The following ASB15 variants were observed in gnomAD, a reference collection of about 807,000 sequenced individuals.
ASB15 encodes ankyrin repeat and SOCS box protein 15.
A neutral mutation model predicts 58.0 loss-of-function variants in ASB15; 54 were observed. The ratio of observed to expected loss-of-function variants is 0.93; its 90% CI spans 0.75 to 1.17. The LOEUF (loss-of-function observed/expected upper bound fraction) is 1.17. Among genes scored for constraint, ASB15 ranks in the 50% most tolerant of loss-of-function variants. ASB15 has a pLI of 0.00. For synonymous variants in ASB15, 249 were observed against 262.4 expected (o/e 0.95, Z 0.50); for missense variants, 680 against 707.4 (o/e 0.96, Z 0.44).
chr7:123,597,219 G>T (rs1799723513), upstream of ASB15, among the ~76,000 whole-genome samples: 2 of 152,096 alleles, frequency 1.3e-5, no homozygotes, highest in South Asian at 2.1e-4. Flanking sequence ...TCACCCCTTT[G>T]TTCAGCATAT....
At position 123,606,379 on chromosome 7, in the gene ASB15, G is replaced by T. The variant is rs963984322; in HGVS notation, c.-64+2167G>T. ...TCGAGGTCACCAAGGTTCCTGGCCT[G>T]CTCAGTCCTAAGAGGTAGATGCTAA... On this transcript the variant is annotated intron_variant, in intron 2 of 11. Coordinates refer to ENST00000451215, the MANE Select transcript of ASB15 (RefSeq NM_001290258.2). 2.0e-5 allele frequency among the ~76,000 whole-genome samples: 3 copies of T among 152,250 alleles called. No homozygotes were observed. The East Asian group carries it at 5.8e-4, about 29-fold the overall frequency.
At chr7:123,581,439 C>G (rs1233612088) in intron 1 of ASB15, among the ~76,000 whole-genome samples, 4 of 145,174 alleles carry the variant, frequency 2.8e-5, no homozygotes, top group Admixed American at 2.7e-4. Flanking sequence ...AAAAGGTACT[C>G]TCCAGATACC....
At chr7:123,585,971 T>C (rs1799365545) in intron 1 of ASB15, among the ~76,000 whole-genome samples, 1 of 151,830 alleles carries the variant, frequency 6.6e-6, no homozygotes, top group South Asian at 2.1e-4. Flanking sequence ...CTTTATCCAT[T>C]CATCCACTTA....
In ASB15 at chr7:123,614,532, C is replaced by A. The variant is rs751880928; in HGVS notation, c.30C>A (p.Asp10Glu). The change falls in exon 4 of 12, where the codon GAC (aspartate) becomes GAA (glutamate). Residue 10 changes from aspartate (D) to glutamate (E), a missense_variant. Physicochemically the swap from Asp to Glu is conservative, Grantham distance 45. Transcript: ENST00000451215. MDTNDDPDE[D>E]HLTSYDIQLS... is the part of the protein sequence containing the mutation. ...ATACTAATGATGACCCTGATGAAGA[C>A]CATCTTACAAGTTATGATATTCAGC... The A allele has an allele frequency of 6.2e-7, 1 of 1,608,570 alleles. No individual in the cohort carries two copies. The highest frequency in any genetic ancestry group is 8.5e-7 in the Non-Finnish European group (1 of 1,175,418).
chr7:123,588,469 C>A (rs1799436280), intron 1 of ASB15, among the ~76,000 whole-genome samples: 1 of 151,384 alleles, frequency 6.6e-6, no homozygotes. Context: ...AACTTTTGAT[C>A]TTTTCTCTTG....
At chr7:123,583,353 G>A (rs1032452538) in intron 1 of ASB15, among the ~76,000 whole-genome samples, 1 of 151,910 alleles carries the variant, frequency 6.6e-6, no homozygotes, top group South Asian at 2.1e-4. Context: ...TGGGAAGTGG[G>A]AACTAACGGG....
At chr7:123,592,377 A>G (rs1473446895) in intron 1 of ASB15, among the ~76,000 whole-genome samples, 2 of 152,110 alleles carry the variant, frequency 1.3e-5, no homozygotes, top group Non-Finnish European at 2.9e-5. Context: ...TTGTGATGTT[A>G]GGGTGATTAT....
chr7:123,614,480 C>T (rs564734696), intron 3 of ASB15, 21 bp from the exon 4 acceptor site: 9 of 1,456,132 alleles, frequency 6.2e-6, no homozygotes, highest in Non-Finnish European at 8.6e-6. Flanking sequence ...AAGAACTTGT[C>T]TCGTTCAAAA....
chr7:123,585,634 TTTG>T (rs1290681399), intron 1 of ASB15, among the ~76,000 whole-genome samples: 1 of 134,646 alleles, frequency 7.4e-6, no homozygotes, highest in Non-Finnish European at 1.6e-5. Flanking sequence ...ATAGTTACTA[TTTG>T]TGTGTGTGTG....
chr7:123,609,204 T>C (rs1262212840), intron 3 of ASB15: 2 of 152,076 alleles, frequency 1.3e-5, no homozygotes, highest in African/African-American at 4.8e-5. Context: ...TTGGATAAAA[T>C]TGTAAAGAAA....
chr7:123,590,732 T>A (rs1357503920), intron 1 of ASB15, among the ~76,000 whole-genome samples: 1 of 152,190 alleles, frequency 6.6e-6, no homozygotes, highest in African/African-American at 2.4e-5. Flanking sequence ...TCAGGTAGCG[T>A]GATGCCTCCA....
At chr7:123,602,466 GATATCGTCACTCATAT>G (rs1299095473) in intron 1 of ASB15, among the ~76,000 whole-genome samples, 9 of 152,140 alleles carry the variant, frequency 5.9e-5, no homozygotes, top group African/African-American at 2.2e-4. Flanking sequence ...AAATTTATCT[GATATCGTCACTCATAT>G]TGTTCTTAAA....
intron 1 of ASB15, among the ~76,000 whole-genome samples, chr7:123,573,288 C>CTTTTTTTTT (rs35889563): frequency 5.1e-5 from 6 of 117,888 alleles, no homozygotes; most frequent in South Asian, 2.8e-4. Flanking sequence ...TCTGGATTTG[C>CTTTTTTTTT]TTTTTTTTTT....
chr7:123,600,710 A>C (rs1331465885), upstream of ASB15, among the ~76,000 whole-genome samples: 1 of 152,214 alleles, frequency 6.6e-6, no homozygotes, highest in Non-Finnish European at 1.5e-5. Flanking sequence ...AAGATGACTG[A>C]AACGCACCTT....
chr7:123,613,116 T>C (rs1216005004), intron 3 of ASB15, among the ~76,000 whole-genome samples: 1 of 152,018 alleles, frequency 6.6e-6, no homozygotes, highest in South Asian at 2.1e-4. Flanking sequence ...GCCACTGATA[T>C]AGAACAATGA....
chr7:123,616,579 C>G (rs774420444), intron 6 of ASB15, 84 bp downstream of exon 6: 3 of 1,394,372 alleles, frequency 2.2e-6, no homozygotes, highest in Non-Finnish European at 2.0e-6. Context: ...GTGAACATAA[C>G]TAGCAGAAAG....
intron 11 of ASB15, among the ~76,000 whole-genome samples, chr7:123,630,495 T>C (rs1802064517): frequency 6.6e-6 from 1 of 152,200 alleles, no homozygotes; most frequent in Admixed American, 6.5e-5. Context: ...TACATTTCAA[T>C]AAATATGGAG....
At chr7:123,596,951 G>A (rs1799711428), upstream of ASB15, among the ~76,000 whole-genome samples, 6 of 152,050 alleles carry the variant, frequency 3.9e-5, no homozygotes, top group Admixed American at 3.9e-4. Flanking sequence ...TATTAAATAA[G>A]GTACTAAGAA....
At position 123,624,584 on chromosome 7, in the gene ASB15, C is replaced by T; in HGVS notation, c.467C>T (p.Ser156Phe). The change falls in exon 8 of 12, where the codon TCC becomes TTC. Residue 156 changes from serine to phenylalanine, a missense_variant. By Grantham distance (155) the Ser-to-Phe change is radical. Transcript: ENST00000451215. Reference sequence around the variant, plus strand: ...CATTTTCAAGCTGTGAAAAAGGGCTCCTATGACATGGTGTCGACTCTGATC... The same window carrying T: ...CATTTTCAAGCTGTGAAAAAGGGCTTCTATGACATGGTGTCGACTCTGATC... ...TPLLIAVKKG[S>F]YDMVSTLIKH... is the part of the protein sequence containing the mutation. 1.2e-6 allele frequency: 2 copies of T among 1,613,030 alleles called. No individual in the cohort carries two copies. Among genetic ancestry groups the T allele is most frequent in the Admixed American group, 1.7e-5 (1 of 60,012 alleles).
Sources: allele counts gnomAD v4.1 joint callset (sites outside exome capture counted in the v4.1 genomes callset), GRCh38; gene constraint gnomAD v4.1.1; transcripts MANE v1.5; gene names NCBI Gene and HGNC (gene_info 2026-07-23, HGNC 2026-07-21).